Variants in FNBP1L observed in about 807,000 individuals in gnomAD.
The protein encoded by FNBP1L is formin binding protein 1 like.
Under a neutral mutation model 91.2 loss-of-function variants are expected in FNBP1L, and 36 were observed. That is an observed-to-expected ratio of 0.39 (90% CI 0.30 to 0.52). The LOEUF (loss-of-function observed/expected upper bound fraction) is 0.52, where lower values mean the gene tolerates loss of function less well. FNBP1L is among the 20% of genes least tolerant of loss of function. The probability of loss-of-function intolerance (pLI) is 0.66; values close to 1 mark genes in which losing one functional copy is unlikely to be tolerated. For synonymous variants in FNBP1L, 242 were observed against 237.0 expected (o/e 1.02, Z -0.19); for missense variants, 571 against 732.1 (o/e 0.78, Z 2.54).
chr1:93,497,103 G>C (rs529765884), intron 1 of FNBP1L, among the ~76,000 whole-genome samples: 1 of 152,160 alleles, frequency 6.6e-6, no homozygotes, highest in Admixed American at 6.5e-5. Flanking sequence ...GGGACTACAG[G>C]CATCCGCCAC....
chr1:93,476,758 G>C (rs1425939335), intron 1 of FNBP1L, among the ~76,000 whole-genome samples: 1 of 152,030 alleles, frequency 6.6e-6, no homozygotes, highest in African/African-American at 2.4e-5. Flanking sequence ...TTAAACAGGA[G>C]GGTGTCTTTC....
chr1:93,532,137 AG>A (rs1671695587), intron 7 of FNBP1L, among the ~76,000 whole-genome samples: 1 of 152,124 alleles, frequency 6.6e-6, no homozygotes, highest in Non-Finnish European at 1.5e-5. Context: ...GGTCCAGCCA[AG>A]TCTTACCAAA....
intron 16 of FNBP1L, chr1:93,551,650 C>T (rs1672420263): frequency 2.0e-6 from 2 of 984,772 alleles, no homozygotes; most frequent in Admixed American, 1.2e-4. Context: ...CTTACCTATT[C>T]TTAACTTTGG....
chr1:93,475,321 G>T (rs2101701987), intron 1 of FNBP1L, among the ~76,000 whole-genome samples: 1 of 152,190 alleles, frequency 6.6e-6, no homozygotes, highest in South Asian at 2.1e-4. Flanking sequence ...ACTTTGGGAG[G>T]CCAAGGTGGG....
intron 5 of FNBP1L, among the ~76,000 whole-genome samples, chr1:93,525,684 C>CA (rs1352448328): frequency 6.6e-6 from 1 of 151,758 alleles, no homozygotes; most frequent in Non-Finnish European, 1.5e-5. Flanking sequence ...CGTTGTTAAG[C>CA]AAAAGTTTTA....
intron 11 of FNBP1L, 118 bp from the exon 12 acceptor site, chr1:93,543,989 T>TAAAAAA: frequency 8.5e-6 from 5 of 590,216 alleles, no homozygotes; most frequent in South Asian, 9.0e-5. Flanking sequence ...AGGGGTTGCT[T>TAAAAAA]GAGGCAAATT....
chr1:93,515,443 C>T (rs143587906), intron 2 of FNBP1L, among the ~76,000 whole-genome samples: 4,481 of 152,020 alleles, frequency 0.029, 227 homozygotes, highest in African/African-American at 0.1. Context: ...ATAAATCATG[C>T]TGCTATAAAG....
chr1:93,461,452 C>G (rs898906278), intron 1 of FNBP1L, among the ~76,000 whole-genome samples: 5 of 152,144 alleles, frequency 3.3e-5, no homozygotes, highest in Admixed American at 3.3e-4. Flanking sequence ...ACGAGATCAA[C>G]ACTCTCAGAG....
chr1:93,494,819 T>A (rs549572168), intron 1 of FNBP1L, among the ~76,000 whole-genome samples: 7 of 152,324 alleles, frequency 4.6e-5, no homozygotes, highest in African/African-American at 1.7e-4. Context: ...CTCACAATCA[T>A]GGCGGAAGAC....
intron 2 of FNBP1L, among the ~76,000 whole-genome samples, chr1:93,511,404 C>T (rs1436283132): frequency 1.3e-5 from 2 of 152,110 alleles, no homozygotes; most frequent in Admixed American, 1.3e-4. Context: ...CAAGCAAATG[C>T]TGAGAGATTT....
Position 93,554,483 on chromosome 1 carries a change from T to C in FNBP1L, c.*2067T>C, listed in dbSNP as rs911096865. On this transcript the variant is annotated 3_prime_UTR_variant, in exon 17 of 17. Transcript: ENST00000271234. ...AGGAAAGACATTTGTACTTGCACAG[T>C]TTAAATCATTCTTAAATTTTGAACA... The C allele has an allele frequency of 1.3e-5, 2 of 152,674 alleles. No individual in the cohort carries two copies. The highest frequency in any genetic ancestry group is 4.8e-5 in the African/African-American group (2 of 41,464). 9.5% of individuals were successfully genotyped at this position (152,674 alleles called of 1,614,324 possible).
chr1:93,514,893 G>C (rs1444107082), intron 2 of FNBP1L, among the ~76,000 whole-genome samples: 1 of 152,104 alleles, frequency 6.6e-6, no homozygotes, highest in Non-Finnish European at 1.5e-5. Flanking sequence ...AAAAGCAATG[G>C]CAACAAAAGC....
intron 1 of FNBP1L, among the ~76,000 whole-genome samples, chr1:93,464,446 A>G (rs1165702695): frequency 1.3e-5 from 2 of 152,180 alleles, no homozygotes; most frequent in Admixed American, 1.3e-4. Context: ...TCCCAGTTAC[A>G]TGTTTGTTGG....
At chr1:93,515,224 C>A (rs1185057546) in intron 2 of FNBP1L, among the ~76,000 whole-genome samples, 1 of 152,122 alleles carries the variant, frequency 6.6e-6, no homozygotes, top group Non-Finnish European at 1.5e-5. Context: ...CATACCATCT[C>A]ACACCAGTTA....
rs757101872 is a variant in FNBP1L at position 93,549,369 on chromosome 1, G to C, written c.1594G>C (p.Glu532Gln). 1.9e-6 allele frequency: 3 copies of C among 1,612,738 alleles called. No homozygotes were observed. In the East Asian group the frequency reaches 6.7e-5, roughly 36 times the overall value. ...GHHNEFDDEF[E>Q]DDDPLPAIGH... ...CCACAATGAGTTTGATGATGAATTT[G>C]AGGATGATGATCCCTTGCCTGCTAT... The change falls in exon 15 of 17, where the codon GAG becomes CAG. Residue 532 changes from glutamate (E) to glutamine (Q), a missense_variant. Around this residue, in one of 5 missense-constraint regions of FNBP1L, gnomAD observed 189 missense variants for 219.7 expected, o/e 0.86. Transcript: ENST00000271234.
intron 2 of FNBP1L, among the ~76,000 whole-genome samples, chr1:93,515,418 T>C (rs908888820): frequency 2.0e-5 from 3 of 151,886 alleles, no homozygotes; most frequent in Non-Finnish European, 4.4e-5. Flanking sequence ...TTACTGGGTA[T>C]ATACCCAAAG....
At chr1:93,513,358 C>T (rs1477788910) in intron 2 of FNBP1L, among the ~76,000 whole-genome samples, 1 of 152,094 alleles carries the variant, frequency 6.6e-6, no homozygotes, top group East Asian at 1.9e-4. Context: ...GAACTGGTCC[C>T]ATTCCTTCTG....
chr1:93,468,697 C>T (rs1362998757), intron 1 of FNBP1L, among the ~76,000 whole-genome samples: 1 of 152,156 alleles, frequency 6.6e-6, no homozygotes, highest in Non-Finnish European at 1.5e-5. Context: ...TCTCAAAGTG[C>T]TAGGATTACA....
chr1:93,465,378 G>C (rs921116440), intron 1 of FNBP1L, among the ~76,000 whole-genome samples: 19 of 145,040 alleles, frequency 1.3e-4, no homozygotes, highest in East Asian at 6.4e-4. Flanking sequence ...AACAGGCCGC[G>C]GTGTGTGATG....
Sources: allele counts gnomAD v4.1 joint callset (sites outside exome capture counted in the v4.1 genomes callset), GRCh38; gene constraint gnomAD v4.1.1; regional missense constraint gnomAD v4.1.1; transcripts MANE v1.5; gene names NCBI Gene and HGNC (gene_info 2026-07-23, HGNC 2026-07-21).